Variants in RLN2 observed in about 807,000 individuals in gnomAD.
The protein encoded by RLN2 is prorelaxin H2.
Under a neutral mutation model 7.3 loss-of-function variants are expected in RLN2, and 10 were observed. The ratio of observed to expected loss-of-function variants is 1.36; its 90% CI spans 0.84 to 2.31. The LOEUF (loss-of-function observed/expected upper bound fraction) is 2.31. RLN2 is among the 30% of genes most tolerant of loss of function. The probability of loss-of-function intolerance (pLI) is 0.00; values close to 1 mark genes in which losing one functional copy is unlikely to be tolerated. For synonymous variants in RLN2, 103 were observed against 82.3 expected (o/e 1.25, Z -1.36); for missense variants, 298 against 217.6 (o/e 1.37, Z -2.32).
At position 5,300,099 on chromosome 9, in the gene RLN2, C is replaced by G; in HGVS notation, c.557G>C (p.Ter186SerextTer10). The G allele has an allele frequency of 6.3e-7, 1 of 1,588,802 alleles. No homozygotes were observed. The highest frequency in any genetic ancestry group is 2.2e-5 in the East Asian group (1 of 44,736). Reference sequence around the variant, plus strand: ...GAGATGTGCACAATTAGCTTCATCTCAGCAAAATCTAGCAAGAGATCTTTT... The same window carrying G: ...GAGATGTGCACAATTAGCTTCATCTGAGCAAAATCTAGCAAGAGATCTTTT... ...CTKRSLARFC[*>S] The change falls in exon 2 of 2, where the codon TGA becomes TCA. Residue 186 changes from the stop codon to serine (S), a stop_lost. Coordinates refer to ENST00000381627, the MANE Select transcript of RLN2 (RefSeq NM_134441.3).
intron 1 of RLN2, among the ~76,000 whole-genome samples, chr9:5,302,858 G>C (rs61219879): frequency 6.5e-5 from 2 of 30,928 alleles, no homozygotes; most frequent in Admixed American, 4.1e-4. Flanking sequence ...AAATGCAAAA[G>C]ATATATACAT....
chr9:5,305,359 CCACACACACACACACACACA>C (rs34733616), upstream of RLN2, among the ~76,000 whole-genome samples: 9 of 121,896 alleles, frequency 7.4e-5, no homozygotes, highest in African/African-American at 1.6e-4. Context: ...GGAGAACATA[CCACACACACACACACACACA>C]CACACACACA....
the RLN2 span, among the ~76,000 whole-genome samples, chr9:5,319,373 G>A: frequency 6.6e-6 from 1 of 151,888 alleles, no homozygotes; most frequent in Non-Finnish European, 1.5e-5. Flanking sequence ...GAATGGCTCA[G>A]GTGCAGGGAA....
chr9:5,336,899 T>C, the RLN2 span, among the ~76,000 whole-genome samples: 2 of 152,042 alleles, frequency 1.3e-5, no homozygotes, highest in African/African-American at 2.4e-5. Context: ...GTTCTGGGGC[T>C]GATCATTTCC....
chr9:5,306,117 T>TG (rs1176424215), upstream of RLN2, among the ~76,000 whole-genome samples: 3 of 150,382 alleles, frequency 2.0e-5, no homozygotes, highest in Non-Finnish European at 4.4e-5. Context: ...TTGTTTTTTT[T>TG]TTTTTTTTTT....
chr9:5,331,366 C>T, the RLN2 span, among the ~76,000 whole-genome samples: 1 of 151,992 alleles, frequency 6.6e-6, no homozygotes, highest in Non-Finnish European at 1.5e-5. Context: ...TATAAAGACA[C>T]ATGCACACAT....
the RLN2 span, among the ~76,000 whole-genome samples, chr9:5,323,478 C>G: frequency 6.6e-6 from 1 of 151,728 alleles, no homozygotes; most frequent in East Asian, 1.9e-4. Context: ...TTGTTCTTCC[C>G]TTTTATATGG....
In RLN2 at chr9:5,304,569, C is replaced by T. The variant is rs1394210904; in HGVS notation, c.12G>A (p.Leu4=). ...AGACTCCTAGCAGGTGGAAAAAAAA[C>T]AGGCGAGGCATCCTGGGCCTGGTCT... MPR[L]FFFHLLGVCL... Residue 4 remains leucine, a synonymous_variant, in exon 1 of 2, where the codon CTG becomes CTA. Coordinates refer to ENST00000381627, the MANE Select transcript of RLN2 (RefSeq NM_134441.3). 6.2e-7 allele frequency: 1 copy of T among 1,613,742 alleles called. No homozygotes were observed. The highest frequency in any genetic ancestry group is 1.7e-4 in the Middle Eastern group (1 of 6,060).
Position 5,304,378 on chromosome 9 carries a change from G to T in RLN2, c.203C>A (p.Pro68Gln), listed in dbSNP as rs141898918. The change falls in exon 1 of 2, where the codon CCA becomes CAA. Residue 68 changes from proline to glutamine, a missense_variant. Transcript: ENST00000381627. ...GGGGCGGGAGCTCTCACCTGCCACT[G>T]GTCTAGGTGTCTGAGGAGCATCTTC... ...SQEDAPQTPR[P>Q]VAEIVPSFIN... 8.1e-5 allele frequency: 130 copies of T among 1,597,478 alleles called. 1 individual carries two copies. In the African/African-American group the frequency reaches 1.5e-3, roughly 18 times the overall value.
At chr9:5,334,987 T>C in the RLN2 span, 12 of 330,554 alleles carry the variant, frequency 3.6e-5, no homozygotes, top group Non-Finnish European at 5.4e-5. Flanking sequence ...AAAGGTTTTA[T>C]TGTAATTTTA....
the RLN2 span, among the ~76,000 whole-genome samples, chr9:5,317,375 C>A: frequency 6.6e-6 from 1 of 150,860 alleles, no homozygotes; most frequent in South Asian, 2.1e-4. Flanking sequence ...TTGCTTGAAC[C>A]CAGGAGGCAG....
upstream of RLN2, among the ~76,000 whole-genome samples, chr9:5,306,515 G>A (rs1485211611): frequency 1.3e-5 from 2 of 152,032 alleles, no homozygotes; most frequent in African/African-American, 4.8e-5. Flanking sequence ...GGTAATTTTG[G>A]CCAGCACATA....
the RLN2 span, among the ~76,000 whole-genome samples, chr9:5,324,921 C>A: frequency 2.6e-5 from 4 of 151,890 alleles, no homozygotes; most frequent in African/African-American, 4.8e-5. Context: ...GTAATTCCAA[C>A]GTAATTTTTC....
the RLN2 span, among the ~76,000 whole-genome samples, chr9:5,319,988 T>TG: frequency 4.0e-5 from 2 of 49,668 alleles, no homozygotes; most frequent in African/African-American, 1.2e-4. Flanking sequence ...AAGCTAACAC[T>TG]TTTTTTTTTT....
chr9:5,305,178 G>A (rs1236323074), upstream of RLN2, among the ~76,000 whole-genome samples: 1 of 151,876 alleles, frequency 6.6e-6, no homozygotes, highest in Non-Finnish European at 1.5e-5. Flanking sequence ...CTGAATGCAG[G>A]TAAAAACATT....
At chr9:5,303,102 T>C (rs538339209) in intron 1 of RLN2, among the ~76,000 whole-genome samples, 1 of 43,006 alleles carries the variant, frequency 2.3e-5, no homozygotes, top group East Asian at 4.8e-4. Flanking sequence ...TTTTTATCAC[T>C]AAATTCCTAG....
the RLN2 span, among the ~76,000 whole-genome samples, chr9:5,313,811 G>C: frequency 1.8e-4 from 28 of 151,958 alleles, no homozygotes; most frequent in Non-Finnish European, 2.6e-4. Context: ...ACATTTAGAA[G>C]AAAATAACTA....
the RLN2 span, among the ~76,000 whole-genome samples, chr9:5,316,204 A>G: frequency 2.0e-5 from 3 of 152,074 alleles, no homozygotes; most frequent in African/African-American, 7.2e-5. Flanking sequence ...TATTAAGTAT[A>G]TACTTATCAT....
the RLN2 span, among the ~76,000 whole-genome samples, chr9:5,333,266 G>C: frequency 1.3e-5 from 2 of 151,862 alleles, no homozygotes; most frequent in African/African-American, 4.8e-5. Flanking sequence ...CATAGGTTCC[G>C]CCTCATCCTA....
Sources: allele counts gnomAD v4.1 joint callset (sites outside exome capture counted in the v4.1 genomes callset), GRCh38; gene constraint gnomAD v4.1.1; transcripts MANE v1.5; gene names NCBI Gene and HGNC (gene_info 2026-07-23, HGNC 2026-07-21).